The following CWC27 variants were observed in gnomAD, a reference collection of about 807,000 sequenced individuals.
CWC27 encodes the protein CWC27 spliceosome associated cyclophilin.
CWC27 carries 47 observed loss-of-function variants against 63.6 expected under a neutral mutation model. The ratio of observed to expected loss-of-function variants is 0.74; its 90% CI spans 0.58 to 0.94. The LOEUF (loss-of-function observed/expected upper bound fraction) is 0.94. CWC27 is among the 40% of genes least tolerant of loss of function. The pLI is 0.00. For missense variants in CWC27, 495 were observed against 554.3 expected (o/e 0.89, Z 1.07); for synonymous variants, 175 against 179.8 (o/e 0.97, Z 0.22).
chr5:64,955,991 G>A (rs1748795725), intron 11 of CWC27, among the ~76,000 whole-genome samples: 1 of 152,078 alleles, frequency 6.6e-6, no homozygotes, highest in Non-Finnish European at 1.5e-5. Context: ...TTTGTTCACT[G>A]ATAAGAGGTG....
At chr5:64,771,390 A>G (rs1384879664) in intron 1 of CWC27, among the ~76,000 whole-genome samples, 3 of 152,240 alleles carry the variant, frequency 2.0e-5, no homozygotes, top group African/African-American at 7.2e-5. Context: ...CTTGGGAAGT[A>G]ATTGATACAT....
chr5:64,876,870 G>T (rs1433616), intron 10 of CWC27, among the ~76,000 whole-genome samples: 55,203 of 151,712 alleles, frequency 0.36, 10,628 homozygotes, highest in East Asian at 0.51. Context: ...ATCCTCAATC[G>T]CATGTTCAAA....
chr5:64,913,116 G>A (rs921078527), intron 11 of CWC27, among the ~76,000 whole-genome samples: 2 of 152,054 alleles, frequency 1.3e-5, no homozygotes, highest in Admixed American at 1.3e-4. Flanking sequence ...ATAGATCAAT[G>A]TAATTTATCA....
At chr5:64,906,992 T>C (rs1164405763) in intron 11 of CWC27, among the ~76,000 whole-genome samples, 1 of 152,210 alleles carries the variant, frequency 6.6e-6, no homozygotes, top group African/African-American at 2.4e-5. Context: ...TGTGGTGTTA[T>C]TTCTGAGGCC....
At chr5:65,016,169 G>A (rs2112477713) in intron 13 of CWC27, among the ~76,000 whole-genome samples, 1 of 152,256 alleles carries the variant, frequency 6.6e-6, no homozygotes, top group Admixed American at 6.5e-5. Context: ...CCTAAACGCT[G>A]TAGGAAATTG....
At chr5:64,942,919 A>G (rs1748514688) in intron 11 of CWC27, among the ~76,000 whole-genome samples, 1 of 152,236 alleles carries the variant, frequency 6.6e-6, no homozygotes, top group Non-Finnish European at 1.5e-5. Context: ...GAAGAGGCTC[A>G]TTGTACTCAG....
chr5:64,957,305 A>G (rs1748821316), intron 11 of CWC27, among the ~76,000 whole-genome samples: 1 of 152,150 alleles, frequency 6.6e-6, no homozygotes, highest in Non-Finnish European at 1.5e-5. Flanking sequence ...TACTGCTACA[A>G]CACGGGGTAC....
At chr5:64,932,335 T>G (rs879041090) in intron 11 of CWC27, among the ~76,000 whole-genome samples, 1 of 152,076 alleles carries the variant, frequency 6.6e-6, no homozygotes, top group African/African-American at 2.4e-5. Flanking sequence ...ATTACCAATT[T>G]ATAATCTCAA....
At chr5:64,946,543 A>G (rs1157485255) in intron 11 of CWC27, among the ~76,000 whole-genome samples, 1 of 152,142 alleles carries the variant, frequency 6.6e-6, no homozygotes, top group African/African-American at 2.4e-5. Flanking sequence ...TTCACTGTTC[A>G]GTGACAAAAA....
chr5:64,961,321 A>G (rs1748904513), intron 11 of CWC27, among the ~76,000 whole-genome samples: 1 of 152,174 alleles, frequency 6.6e-6, no homozygotes, highest in South Asian at 2.1e-4. Flanking sequence ...AGATTAGAAG[A>G]TCCTCAAGCT....
At chr5:64,902,086 T>C (rs894864969) in intron 11 of CWC27, among the ~76,000 whole-genome samples, 3 of 152,190 alleles carry the variant, frequency 2.0e-5, no homozygotes, top group African/African-American at 7.2e-5. Flanking sequence ...AAATTTTCTT[T>C]TTATAGGTAG....
At chr5:64,776,161 T>C (rs1047563495) in intron 2 of CWC27, among the ~76,000 whole-genome samples, 7 of 150,754 alleles carry the variant, frequency 4.6e-5, no homozygotes, top group African/African-American at 1.7e-4. Flanking sequence ...TAATAATTGC[T>C]GTGGCAGGCA....
intron 11 of CWC27, among the ~76,000 whole-genome samples, chr5:64,901,291 C>T (rs1263673169): frequency 6.6e-6 from 1 of 151,880 alleles, no homozygotes; most frequent in Admixed American, 6.6e-5. Flanking sequence ...GAAACCCCGT[C>T]TCTACTAAAA....
intron 10 of CWC27, among the ~76,000 whole-genome samples, chr5:64,849,647 C>T (rs545567790): frequency 6.6e-6 from 1 of 151,994 alleles, no homozygotes; most frequent in East Asian, 1.9e-4. Flanking sequence ...GGCTGCATGT[C>T]CCCACCCAAA....
intron 11 of CWC27, among the ~76,000 whole-genome samples, chr5:64,952,901 C>T: frequency 6.6e-6 from 1 of 152,066 alleles, no homozygotes; most frequent in East Asian, 1.9e-4. Context: ...TTTGAGACTT[C>T]AGGAGACTGA....
rs114400434 is a variant in CWC27, at chr5:64,946,973, T to A, written c.1043-24730T>A. ...TACATAGGTCTATGTGACCAGTTAT[T>A]ATTTCCTTTAGACTTGCATTTCTCA... On this transcript the variant is annotated intron_variant, in intron 11 of 13. Coordinates refer to ENST00000381070, the MANE Select transcript of CWC27 (RefSeq NM_005869.4). Among the ~76,000 whole-genome samples, 1,509 of 152,244 alleles carry A rather than the reference T, an allele frequency of 9.9e-3. 12 individuals are homozygous for A. Among genetic ancestry groups the A allele is most frequent in the Non-Finnish European group, 0.015 (1,019 of 68,002 alleles).
Position 64,878,470 on chromosome 5 carries a change from T to TAAAAAAAAAAAAAAAA in CWC27, c.939-6958_939-6943dup. 1.9e-3 allele frequency among the ~76,000 whole-genome samples: 52 copies of TAAAAAAAAAAAAAAAA among 26,934 alleles called. 9 individuals carry two copies. Among genetic ancestry groups the TAAAAAAAAAAAAAAAA allele is most frequent in the African/African-American group, 4.5e-3 (37 of 8,180 alleles). 17.7% of individuals were successfully genotyped at this position (26,934 alleles called of 152,430 possible). On this transcript the variant is annotated intron_variant, in intron 10 of 13. Transcript: ENST00000381070. ...GTCAGCACTGTCCTGGGTTACAGAT[T>TAAAAAAAAAAAAAAAA]AAAAAAAAAAAAAAAAAAAAAAAAA... is the stretch of plus-strand genomic sequence containing the variant.
intron 13 of CWC27, among the ~76,000 whole-genome samples, chr5:65,004,680 G>A (rs910462800): frequency 6.7e-6 from 1 of 149,590 alleles, no homozygotes; most frequent in Non-Finnish European, 1.5e-5. Flanking sequence ...AATTCTTTTA[G>A]TCATGTCACA....
At chr5:64,996,399 C>T (rs532968649) in intron 13 of CWC27, among the ~76,000 whole-genome samples, 295 of 152,192 alleles carry the variant, frequency 1.9e-3, no homozygotes, top group African/African-American at 6.6e-3. Context: ...TTATTATTTG[C>T]GTACAGATAA....
Sources: allele counts gnomAD v4.1 joint callset (sites outside exome capture counted in the v4.1 genomes callset), GRCh38; gene constraint gnomAD v4.1.1; transcripts MANE v1.5; gene names NCBI Gene and HGNC (gene_info 2026-07-23, HGNC 2026-07-21).